The following EBF2 variants were observed in gnomAD, a reference collection of about 807,000 sequenced individuals.
EBF2 encodes the protein transcription factor COE2.
In EBF2, 21 loss-of-function variants were observed where a neutral mutation model predicts 72.8. The ratio of observed to expected loss-of-function variants is 0.29; its 90% confidence interval spans 0.20 to 0.42. The LOEUF is 0.42. Among genes scored for constraint, EBF2 ranks in the 10% least tolerant of loss-of-function variants. EBF2 has a pLI of 1.00. For synonymous variants in EBF2, 299 were observed against 274.2 expected (o/e 1.09, Z -0.89); for missense variants, 637 against 731.2 (o/e 0.87, Z 1.49).
At chr8:26,016,910 A>T (rs1297416667) in intron 6 of EBF2, among the ~76,000 whole-genome samples, 1 of 152,130 alleles carries the variant, frequency 6.6e-6, no homozygotes, top group Non-Finnish European at 1.5e-5. Flanking sequence ...ATTTAGTTAA[A>T]TGGTTAAAAA....
At chr8:26,017,629 C>G (rs1215215287) in intron 6 of EBF2, among the ~76,000 whole-genome samples, 2 of 152,198 alleles carry the variant, frequency 1.3e-5, no homozygotes, top group African/African-American at 4.8e-5. Context: ...ACAGCATACC[C>G]ATACAACCAA....
rs541776749 is a variant in EBF2, at chr8:25,903,547, A to T, written c.633+4927T>A. ...CGTTTCTACTAAAAATACAAAAAAA[A>T]ATAGCCAGGCGTGGTGGCAAGTGCC... On this transcript the variant is annotated intron_variant, in intron 7 of 15. Coordinates refer to ENST00000520164, the MANE Select transcript of EBF2 (RefSeq NM_022659.4). Among the ~76,000 whole-genome samples, 1,039 of 152,270 alleles carry T rather than the reference A, an allele frequency of 6.8e-3. 13 individuals are homozygous for T. The highest frequency in any genetic ancestry group is 0.024 in the African/African-American group (979 of 41,554).
At chr8:25,917,907 C>G (rs915138940) in intron 6 of EBF2, among the ~76,000 whole-genome samples, 1 of 152,200 alleles carries the variant, frequency 6.6e-6, no homozygotes, top group Non-Finnish European at 1.5e-5. Context: ...GTGTAAAACT[C>G]TCTACCCTAC....
At chr8:26,013,633 C>A (rs993841709) in intron 6 of EBF2, among the ~76,000 whole-genome samples, 2 of 151,828 alleles carry the variant, frequency 1.3e-5, no homozygotes, top group South Asian at 2.1e-4. Flanking sequence ...CCAGTTATAA[C>A]AATGTGGATT....
At chr8:26,029,303 A>G (rs1424511745) in intron 6 of EBF2, among the ~76,000 whole-genome samples, 1 of 152,198 alleles carries the variant, frequency 6.6e-6, no homozygotes, top group Admixed American at 6.5e-5. Context: ...TCAGTGTGGT[A>G]ACACTGATTA....
At chr8:25,967,502 C>T (rs993698895) in intron 6 of EBF2, among the ~76,000 whole-genome samples, 2 of 152,204 alleles carry the variant, frequency 1.3e-5, no homozygotes, top group African/African-American at 4.8e-5. Flanking sequence ...AATCATCTAA[C>T]ACAAAGCCTA....
rs1554481009 is a variant in EBF2, at chr8:26,005,561, T to TAGAGAGAGAG, written c.551+27514_551+27523dup. 7.0e-3 allele frequency among the ~76,000 whole-genome samples: 445 copies of TAGAGAGAGAG among 63,874 alleles called. 6 individuals are homozygous for TAGAGAGAGAG. The highest frequency in any genetic ancestry group is 0.026 in the African/African-American group (361 of 13,770). 41.9% of individuals were successfully genotyped at this position (63,874 alleles called of 152,430 possible). The stretch of plus-strand genomic sequence containing the variant: ...TATATTTTATATATATATATATATA[T>TAGAGAGAGAG]AGAGAGAGAGAGAGAGAGGTATTTT... On this transcript the variant is annotated intron_variant, in intron 6 of 15. Coordinates refer to ENST00000520164, the MANE Select transcript of EBF2 (RefSeq NM_022659.4).
chr8:25,883,951 G>C (rs1802645641), intron 10 of EBF2, among the ~76,000 whole-genome samples: 2 of 152,064 alleles, frequency 1.3e-5, no homozygotes, highest in African/African-American at 2.4e-5. Context: ...GGTTCCTCCT[G>C]TCATCTTTAA....
At chr8:25,989,729 A>C (rs1007473881) in intron 6 of EBF2, among the ~76,000 whole-genome samples, 13 of 152,224 alleles carry the variant, frequency 8.5e-5, no homozygotes, top group Admixed American at 6.5e-4. Flanking sequence ...AAATAACAGG[A>C]AGATGGGCAC....
chr8:25,899,840 C>T (rs1802921341), intron 7 of EBF2, among the ~76,000 whole-genome samples: 1 of 142,568 alleles, frequency 7.0e-6, no homozygotes, highest in Non-Finnish European at 1.6e-5. Flanking sequence ...GGCACGAGGC[C>T]TCTCACATGA....
chr8:25,937,995 GA>G (rs917873986), intron 6 of EBF2, among the ~76,000 whole-genome samples: 1 of 151,938 alleles, frequency 6.6e-6, no homozygotes, highest in East Asian at 1.9e-4. Context: ...AAAAAAGGAA[GA>G]AAAAAAGCAG....
chr8:25,846,832 G>C (rs1801847904), intron 15 of EBF2, among the ~76,000 whole-genome samples: 1 of 152,184 alleles, frequency 6.6e-6, no homozygotes, highest in South Asian at 2.1e-4. Flanking sequence ...CTTCCTCCTA[G>C]TCCTACATCC....
chr8:26,021,526 G>C (rs1585230895), intron 6 of EBF2, among the ~76,000 whole-genome samples: 3 of 152,170 alleles, frequency 2.0e-5, no homozygotes, highest in Admixed American at 6.5e-5. Flanking sequence ...AAGAAACCAG[G>C]ATTCAGATAG....
chr8:25,892,212 T>C (rs1802794492), intron 7 of EBF2, among the ~76,000 whole-genome samples: 1 of 152,182 alleles, frequency 6.6e-6, no homozygotes, highest in South Asian at 2.1e-4. Flanking sequence ...AATAGAACAA[T>C]TATAAAAAGA....
At chr8:25,860,950 C>T (rs573052308) in intron 13 of EBF2, 99 bp downstream of exon 13, 30 of 1,298,990 alleles carry the variant, frequency 2.3e-5, no homozygotes, top group Non-Finnish European at 3.2e-5. Context: ...TGTGGACACA[C>T]TCTGTTGGAC....
chr8:25,912,040 T>C (rs375618360), intron 6 of EBF2, among the ~76,000 whole-genome samples: 223 of 152,208 alleles, frequency 1.5e-3, no homozygotes, highest in African/African-American at 4.7e-3. Context: ...ACATAACCTC[T>C]AACAATCCTG....
At position 25,912,466 on chromosome 8, in the gene EBF2, G is replaced by GCACACACACACACA. The variant is rs141335310; in HGVS notation, c.552-3925_552-3912dup. Among the ~76,000 whole-genome samples, 76 of 136,948 alleles carry GCACACACACACACA rather than the reference G, an allele frequency of 5.5e-4. 1 individual carries two copies. Among genetic ancestry groups the GCACACACACACACA allele is most frequent in the East Asian group, 1.5e-3 (7 of 4,566 alleles). The allele number at this position is 136,948 out of a possible 152,430, so 89.8% of individuals were successfully genotyped here. A position where few individuals can be genotyped will look rare whatever the true frequency, so the allele number is the denominator to read the frequency against. ...AACACTTCAAAATGGTCTAAAAATG[G>GCACACACACACACA]CACACACACACACACACACACACAC... On this transcript the variant is annotated intron_variant, in intron 6 of 15. Transcript: ENST00000520164.
rs950344431 is a variant in EBF2 at position 25,973,778 on chromosome 8, C to T, written c.551+59307G>A. 2.6e-5 allele frequency among the ~76,000 whole-genome samples: 4 copies of T among 152,240 alleles called. No homozygotes were observed. The East Asian group carries it at 5.8e-4, about 22-fold the overall frequency. ...GCAGCCTCCACCTCCTGGGCTCAAA[C>T]GATCTTCCCACCTCAGCCTCCCTAG... On this transcript the variant is annotated intron_variant, in intron 6 of 15. Coordinates refer to ENST00000520164, the MANE Select transcript of EBF2 (RefSeq NM_022659.4).
At chr8:25,936,198 C>A (rs1057404078) in intron 6 of EBF2, among the ~76,000 whole-genome samples, 1 of 152,196 alleles carries the variant, frequency 6.6e-6, no homozygotes, top group Non-Finnish European at 1.5e-5. Context: ...AAAACTCTCC[C>A]TGCTCTGCAA....
Sources: gnomAD v4.1 joint callset for allele counts (sites outside exome capture counted in the v4.1 genomes callset) on GRCh38, gnomAD v4.1.1 for gene constraint, MANE v1.5 for transcripts, NCBI Gene and HGNC (gene_info 2026-07-23, HGNC 2026-07-21) for gene names.